The following ACBD6 variants were observed in gnomAD, a reference collection of about 807,000 sequenced individuals.
The protein encoded by ACBD6 is acyl-CoA-binding domain-containing protein 6.
A neutral mutation model predicts 37.2 loss-of-function variants in ACBD6; 28 were observed. That is an observed-to-expected ratio of 0.75 (90% CI 0.56 to 1.03). The LOEUF (loss-of-function observed/expected upper bound fraction) is 1.03. ACBD6 is among the 50% of genes least tolerant of loss of function. The pLI, the probability that ACBD6 is intolerant of heterozygous loss-of-function variation, is 0.00. For missense variants in ACBD6, 340 were observed against 337.4 expected (o/e 1.01, Z -0.06); for synonymous variants, 113 against 126.8 (o/e 0.89, Z 0.73).
At chr1:180,309,528 T>C (rs1015936559) in intron 7 of ACBD6, among the ~76,000 whole-genome samples, 3 of 152,038 alleles carry the variant, frequency 2.0e-5, no homozygotes, top group African/African-American at 7.3e-5. Context: ...GAGAAGGCAC[T>C]GAAAAACACC....
At chr1:180,344,866 AT>A (rs1202117713) in intron 6 of ACBD6, among the ~76,000 whole-genome samples, 2 of 152,212 alleles carry the variant, frequency 1.3e-5, no homozygotes, top group East Asian at 1.9e-4. Flanking sequence ...AAAATTTTTT[AT>A]TTTTTTCAGG....
chr1:180,484,546 C>G (rs1310781097), intron 3 of ACBD6, among the ~76,000 whole-genome samples: 5 of 151,922 alleles, frequency 3.3e-5, no homozygotes, highest in Admixed American at 3.3e-4. Context: ...TATCATGTAC[C>G]CTGTAGTGTT....
intron 6 of ACBD6, among the ~76,000 whole-genome samples, chr1:180,329,060 T>G (rs896586615): frequency 6.6e-6 from 1 of 152,168 alleles, no homozygotes; most frequent in African/African-American, 2.4e-5. Context: ...TATAATTATT[T>G]CTAACACATC....
intron 5 of ACBD6, among the ~76,000 whole-genome samples, chr1:180,412,620 CT>C (rs1270074266): frequency 3.3e-5 from 5 of 152,092 alleles, no homozygotes; most frequent in Middle Eastern, 3.2e-3. Context: ...AATCCCAAAA[CT>C]TTGGGAAGCT....
chr1:180,362,017 C>T (rs1312096838), intron 6 of ACBD6, among the ~76,000 whole-genome samples: 3 of 151,860 alleles, frequency 2.0e-5, no homozygotes, highest in African/African-American at 4.8e-5. Context: ...GAGATAGACA[C>T]GTGACTATCT....
intron 7 of ACBD6, among the ~76,000 whole-genome samples, chr1:180,307,181 A>G (rs1181057773): frequency 1.3e-5 from 2 of 152,242 alleles, no homozygotes; most frequent in Non-Finnish European, 2.9e-5. Flanking sequence ...GCCATAAAAA[A>G]GAGTGAGATT....
At chr1:180,350,110 C>T (rs1319560316) in intron 6 of ACBD6, among the ~76,000 whole-genome samples, 3 of 149,578 alleles carry the variant, frequency 2.0e-5, no homozygotes, top group Non-Finnish European at 3.0e-5. Flanking sequence ...ACTGCAGCCT[C>T]GATCTCCTGG....
At chr1:180,386,583 C>T (rs922166906) in intron 6 of ACBD6, among the ~76,000 whole-genome samples, 2 of 152,086 alleles carry the variant, frequency 1.3e-5, no homozygotes, top group Non-Finnish European at 2.9e-5. Flanking sequence ...TTACAATTGT[C>T]CCACAGTCCT....
chr1:180,277,980 A>G (rs1649140091), intron 9 of ACBD6: 1 of 151,588 alleles, frequency 6.6e-6, no homozygotes, highest in Admixed American at 6.6e-5. Context: ...TCTGTAAAAC[A>G]AAAGACATTC....
rs189344101 is a variant in ACBD6 at position 180,439,249 on chromosome 1, G to A, written c.385-8987C>T. ...TTTCTTGACTCTTTACCGTAAATGG[G>A]ATTCTGGGAGATAAAACCTACCAAA... On this transcript the variant is annotated intron_variant, in intron 3 of 7. Coordinates refer to ENST00000367595, the MANE Select transcript of ACBD6 (RefSeq NM_032360.4). 2.1e-3 allele frequency among the ~76,000 whole-genome samples: 313 copies of A among 152,218 alleles called. 2 individuals carry two copies. The highest frequency in any genetic ancestry group is 6.9e-3 in the African/African-American group (285 of 41,544).
chr1:180,430,414 A>C, intron 3 of ACBD6, 152 bp from the exon 4 acceptor site: 1 of 687,140 alleles, frequency 1.5e-6, no homozygotes, highest in Non-Finnish European at 2.5e-6. Flanking sequence ...TAAGGTGGTA[A>C]CAGAAAGGCA....
At chr1:180,401,439 A>AT (rs1054829247) in intron 5 of ACBD6, among the ~76,000 whole-genome samples, 10 of 151,748 alleles carry the variant, frequency 6.6e-5, no homozygotes, top group African/African-American at 1.9e-4. Context: ...ACCATGTAGA[A>AT]TTTTTTTTTA....
intron 7 of ACBD6, among the ~76,000 whole-genome samples, chr1:180,313,438 T>G (rs1295750117): frequency 6.6e-6 from 1 of 152,194 alleles, no homozygotes; most frequent in Non-Finnish European, 1.5e-5. Flanking sequence ...TGATTTGGCT[T>G]TTGTTTCCGC....
At chr1:180,497,830 C>T (rs138758708) in intron 1 of ACBD6, among the ~76,000 whole-genome samples, 18 of 152,136 alleles carry the variant, frequency 1.2e-4, no homozygotes, top group South Asian at 4.2e-4. Context: ...TTCGGCTTCA[C>T]GCAGATATGT....
chr1:180,365,124 AAC>A (rs1297646143), intron 6 of ACBD6, among the ~76,000 whole-genome samples: 1 of 152,192 alleles, frequency 6.6e-6, no homozygotes, highest in Non-Finnish European at 1.5e-5. Flanking sequence ...CGTGACTCCA[AAC>A]ACAGTCTTTC....
chr1:180,467,448 C>CAAAAAAAAA (rs57941230), intron 3 of ACBD6, among the ~76,000 whole-genome samples: 2 of 72,532 alleles, frequency 2.8e-5, no homozygotes, highest in Non-Finnish European at 4.8e-5. Flanking sequence ...TCCATCTCTG[C>CAAAAAAAAA]AAAAAAAAAA....
chr1:180,477,622 G>T (rs1033575314), intron 3 of ACBD6, among the ~76,000 whole-genome samples: 1 of 151,834 alleles, frequency 6.6e-6, no homozygotes, highest in Admixed American at 6.6e-5. Flanking sequence ...TTAAAAAACA[G>T]ATAAAATGCA....
intron 4 of ACBD6, among the ~76,000 whole-genome samples, chr1:180,420,036 A>G (rs929251097): frequency 2.0e-5 from 3 of 152,354 alleles, no homozygotes. Context: ...AGCAGTCTTA[A>G]ATAATCAGAA....
intron 1 of ACBD6, 50 bp from the exon 2 acceptor site, chr1:180,495,575 G>C: frequency 7.0e-7 from 1 of 1,437,060 alleles, no homozygotes; most frequent in Non-Finnish European, 9.8e-7. Flanking sequence ...GAAATGTCTG[G>C]GAAACTTTTC....
Sources: gnomAD v4.1 joint callset for allele counts (sites outside exome capture counted in the v4.1 genomes callset) on GRCh38, gnomAD v4.1.1 for gene constraint, MANE v1.5 for transcripts, NCBI Gene and HGNC (gene_info 2026-07-23, HGNC 2026-07-21) for gene names.